CRYBA4: variants seen among roughly 807,000 people sequenced by gnomAD.
CRYBA4 encodes the protein crystallin beta A4, also known as beta-crystallin A4.
In CRYBA4, 30 loss-of-function variants were observed where a neutral mutation model predicts 31.7. The ratio of observed to expected loss-of-function variants is 0.95; its 90% CI spans 0.71 to 1.28. CRYBA4 has a LOEUF of 1.28. Ranked by LOEUF, CRYBA4 falls within the 50% of genes most tolerant of loss-of-function variation. CRYBA4 has a pLI of 0.00. For synonymous variants in CRYBA4, 102 were observed against 102.3 expected (o/e 1.00, Z 0.02); for missense variants, 225 against 260.7 (o/e 0.86, Z 0.94).
At position 26,630,531 on chromosome 22, in the gene CRYBA4, T is replaced by C. The variant is rs1488071199; in HGVS notation, c.*44T>C. On this transcript the variant is annotated 3_prime_UTR_variant, in exon 6 of 6. Coordinates refer to ENST00000354760, the MANE Select transcript of CRYBA4 (RefSeq NM_001886.3). Reference sequence around the variant, plus strand: ...GGAGCGCATGCGTGCTTATCTGCAATGGAGGCGCTCTGGAGGCTGTGGTGT... The same window carrying C: ...GGAGCGCATGCGTGCTTATCTGCAACGGAGGCGCTCTGGAGGCTGTGGTGT... 7 of 1,567,022 alleles carry C rather than the reference T, an allele frequency of 4.5e-6. No individual in the cohort carries two copies. Among genetic ancestry groups the C allele is most frequent in the African/African-American group, 2.7e-5 (2 of 74,230 alleles).
intron 2 of CRYBA4, 79 bp from the exon 3 acceptor site, chr22:26,623,155 A>G: frequency 8.3e-7 from 1 of 1,203,896 alleles, no homozygotes; most frequent in Non-Finnish European, 1.2e-6. Context: ...TACCTGCCAG[A>G]TCCTGGGGCG....
chr22:26,620,967 G>A (rs1045568743), upstream of CRYBA4, among the ~76,000 whole-genome samples: 2 of 152,144 alleles, frequency 1.3e-5, no homozygotes, highest in Admixed American at 6.5e-5. Context: ...CAGGTCACAC[G>A]GATGGTAAGA....
At chr22:26,599,558 G>A in the CRYBA4 span, 10 of 1,614,064 alleles carry the variant, frequency 6.2e-6, no homozygotes, top group East Asian at 4.5e-5. Flanking sequence ...TCACGCAGGC[G>A]ACGCAGGGAC....
the CRYBA4 span, chr22:26,616,363 G>A: frequency 6.5e-7 from 1 of 1,544,338 alleles, no homozygotes; most frequent in South Asian, 1.1e-5. Flanking sequence ...TGGCCTTCAG[G>A]GATGACACCC....
the CRYBA4 span, among the ~76,000 whole-genome samples, chr22:26,606,652 C>T: frequency 1.3e-5 from 2 of 152,230 alleles, no homozygotes; most frequent in Non-Finnish European, 2.9e-5. Context: ...GTCTTACATT[C>T]TGCGAAAAGT....
chr22:26,597,511 T>C, the CRYBA4 span, among the ~76,000 whole-genome samples: 239 of 152,350 alleles, frequency 1.6e-3, 10 homozygotes, highest in Admixed American at 0.013. Flanking sequence ...TGCTGTTTGC[T>C]CTGCCTGGAA....
the CRYBA4 span, chr22:26,599,606 G>A: frequency 6.2e-7 from 1 of 1,614,172 alleles, no homozygotes; most frequent in Non-Finnish European, 8.5e-7. Flanking sequence ...TCATTCCAGT[G>A]CCGGAAGTCA....
the CRYBA4 span, among the ~76,000 whole-genome samples, chr22:26,590,862 A>G: frequency 0.21 from 31,492 of 152,120 alleles, 3,402 homozygotes; most frequent in African/African-American, 0.24. Flanking sequence ...TGACTGATAA[A>G]TCTTAGCACA....
the CRYBA4 span, chr22:26,596,657 T>C: frequency 1.3e-5 from 2 of 152,208 alleles, no homozygotes; most frequent in Non-Finnish European, 2.9e-5. Flanking sequence ...TAAAGAACTA[T>C]GGAAGTCAAT....
At chr22:26,601,949 C>T in the CRYBA4 span, 1 of 1,613,460 alleles carries the variant, frequency 6.2e-7, no homozygotes, top group South Asian at 1.1e-5. Context: ...GGTGCGTCGT[C>T]CCCCTGGATC....
chr22:26,598,658 A>G, the CRYBA4 span, among the ~76,000 whole-genome samples: 1 of 152,236 alleles, frequency 6.6e-6, no homozygotes, highest in Non-Finnish European at 1.5e-5. Flanking sequence ...TGTTGGGATT[A>G]CAGGGGTGAG....
At chr22:26,622,668 G>T in intron 2 of CRYBA4, 33 bp downstream of exon 2, 3 of 1,531,828 alleles carry the variant, frequency 2.0e-6, no homozygotes, top group Non-Finnish European at 2.7e-6. Context: ...GGTGTTCAGG[G>T]GGTATGGGGA....
intron 4 of CRYBA4, among the ~76,000 whole-genome samples, chr22:26,627,956 C>A (rs1432701225): frequency 6.6e-6 from 1 of 152,146 alleles, no homozygotes; most frequent in Non-Finnish European, 1.5e-5. Flanking sequence ...CCTCTACACC[C>A]TTTTTCTTAA....
intron 2 of CRYBA4, 75 bp downstream of exon 2, chr22:26,622,710 G>A (rs531058100): frequency 2.6e-6 from 3 of 1,143,880 alleles, no homozygotes; most frequent in South Asian, 1.2e-5. Context: ...CTAGGAGGGG[G>A]GCATTATAAA....
chr22:26,623,985 G>A (rs773126894), intron 3 of CRYBA4, among the ~76,000 whole-genome samples: 2 of 152,242 alleles, frequency 1.3e-5, no homozygotes, highest in Admixed American at 6.5e-5. Flanking sequence ...TAGCCAGCAT[G>A]AGTAGAGAAC....
chr22:26,604,348 A>AG, the CRYBA4 span, among the ~76,000 whole-genome samples: 525 of 152,342 alleles, frequency 3.4e-3, 2 homozygotes, highest in African/African-American at 0.012. Flanking sequence ...TATACCCAGT[A>AG]CGTAGTTGGT....
chr22:26,611,935 T>C, the CRYBA4 span: 7 of 733,222 alleles, frequency 9.5e-6, no homozygotes, highest in Non-Finnish European at 1.8e-5. Context: ...CAGTTTGATA[T>C]GAGGATTGGA....
chr22:26,606,994 G>A, the CRYBA4 span, among the ~76,000 whole-genome samples: 1 of 149,836 alleles, frequency 6.7e-6, no homozygotes, highest in Admixed American at 6.6e-5. Flanking sequence ...AGAGGTTCAA[G>A]CTGCGTTTCT....
At chr22:26,600,378 A>G in the CRYBA4 span, among the ~76,000 whole-genome samples, 1 of 151,896 alleles carries the variant, frequency 6.6e-6, no homozygotes, top group Non-Finnish European at 1.5e-5. Context: ...CTCCAGCCTG[A>G]GGGACAGAGC....
Sources: allele counts gnomAD v4.1 joint callset (sites outside exome capture counted in the v4.1 genomes callset), GRCh38; gene constraint gnomAD v4.1.1; transcripts MANE v1.5; gene names NCBI Gene and HGNC (gene_info 2026-07-23, HGNC 2026-07-21).